WDR82: variants seen among roughly 807,000 people sequenced by gnomAD.
The protein encoded by WDR82 is WD repeat-containing protein 82.
A neutral mutation model predicts 36.1 loss-of-function variants in WDR82; 8 were observed. That is an observed-to-expected ratio of 0.22 (90% CI 0.13 to 0.40). The LOEUF (loss-of-function observed/expected upper bound fraction) is 0.40. Ranked by LOEUF, WDR82 falls within the 10% of genes least tolerant of loss-of-function variation. The pLI is 1.00. For missense variants in WDR82, 185 were observed against 400.5 expected, an observed-to-expected ratio of 0.46 and a Z score of 4.59; for synonymous variants, 129 against 137.8, an observed-to-expected ratio of 0.94 and a Z score of 0.45.
chr3:52,278,048 C>T (rs1700223484), intron 1 of WDR82, 153 bp downstream of exon 1: 3 of 609,312 alleles, frequency 4.9e-6, no homozygotes, highest in Admixed American at 8.2e-5. Flanking sequence ...TAAAAGGTCT[C>T]CTGGACGGCT....
At chr3:52,267,086 C>T in intron 2 of WDR82, 68 bp from the exon 3 acceptor site, 2 of 1,280,920 alleles carry the variant, frequency 1.6e-6, no homozygotes, top group East Asian at 4.9e-5. Context: ...ACATTTTCAT[C>T]TTAAAAAGAC....
chr3:52,276,815 T>C (rs1278779807), intron 1 of WDR82, among the ~76,000 whole-genome samples: 1 of 152,060 alleles, frequency 6.6e-6, no homozygotes, highest in African/African-American at 2.4e-5. Context: ...CCCTCTTCCT[T>C]AAGACCACCA....
intron 8 of WDR82, 123 bp from the exon 9 acceptor site, chr3:52,257,642 TAACC>T (rs1700021842): frequency 3.8e-6 from 4 of 1,052,396 alleles, no homozygotes; most frequent in Admixed American, 2.0e-5. Flanking sequence ...CCCTCTCTCC[TAACC>T]AACCAACCCC....
chr3:52,264,145 C>A (rs60382084), intron 3 of WDR82, among the ~76,000 whole-genome samples: 25,105 of 151,910 alleles, frequency 0.17, 2,861 homozygotes, highest in African/African-American at 0.32. Context: ...CCTGGGTGAC[C>A]CGGTGAGCCT....
In WDR82 at chr3:52,259,846, C is replaced by G; in HGVS notation, c.570G>C (p.Gln190His). 6.2e-7 allele frequency: 1 copy of G among 1,613,914 alleles called. No homozygotes were observed. Among genetic ancestry groups the G allele is most frequent in the Non-Finnish European group, 8.5e-7 (1 of 1,179,888 alleles). Residue 190 changes from glutamine to histidine, a missense_variant, in exon 6 of 9, where the codon CAG becomes CAC. Physicochemically the swap from Gln to His is conservative, Grantham distance 24. This residue lies in a region of WDR82 where 110 missense variants were observed against 212.6 expected (regional missense o/e 0.52). Coordinates refer to ENST00000296490, the MANE Select transcript of WDR82 (RefSeq NM_025222.4). ...CTGTCCACTCACAAGTTCGATCATA[C>G]TGCATCTTAAAGGTAGCAAATGGCC... ...DKGPFATFKM[Q>H]YDRTCEWTGL... is the part of the protein sequence containing the mutation.
At chr3:52,262,550 G>A (rs1464306024) in intron 3 of WDR82, among the ~76,000 whole-genome samples, 2 of 152,190 alleles carry the variant, frequency 1.3e-5, no homozygotes, top group African/African-American at 4.8e-5. Context: ...CTCTAATCCA[G>A]TAGGCCTGAC....
At position 52,261,397 on chromosome 3, in the gene WDR82, G is replaced by A. The variant is rs765739940; in HGVS notation, c.409C>T (p.Arg137Trp). 4 of 1,611,084 alleles carry A rather than the reference G, an allele frequency of 2.5e-6. No homozygotes were observed. Among genetic ancestry groups the A allele is most frequent in the Non-Finnish European group, 3.4e-6 (4 of 1,179,002 alleles). The change falls in exon 4 of 9, where the codon CGG becomes TGG. Residue 137 changes from arginine (R) to tryptophan (W), a missense_variant. Around this residue, in one of 3 missense-constraint regions of WDR82, gnomAD observed 26 missense variants for 107.4 expected, o/e 0.24. Transcript: ENST00000296490. Reference sequence around the variant, plus strand: ...ACCATTACCTGGCAGTTAGGAGACCGGAGATCCCAGAGTCGAATGGTCTTA... The same window carrying A: ...ACCATTACCTGGCAGTTAGGAGACCAGAGATCCCAGAGTCGAATGGTCTTA... ...LDKTIRLWDL[R>W]SPNCQGLMHL...
intron 3 of WDR82, among the ~76,000 whole-genome samples, chr3:52,264,909 G>C (rs1700092089): frequency 6.6e-6 from 1 of 152,048 alleles, no homozygotes. Flanking sequence ...TCTCACCTCA[G>C]CCTCCCAAAG....
At position 52,276,056 on chromosome 3, in the gene WDR82, T is replaced by A. The variant is rs1465225179; in HGVS notation, c.161+2145A>T. On this transcript the variant is annotated intron_variant, in intron 1 of 8. Transcript: ENST00000296490. ...CATATGGGAGTTCTTTGAAACACTG[T>A]AACTTTGTTAGTTTCTAATTATGTA... Among the ~76,000 whole-genome samples, 4 of 152,352 alleles carry A rather than the reference T, an allele frequency of 2.6e-5. No individual in the cohort carries two copies. In the East Asian group the frequency reaches 7.7e-4, roughly 29 times the overall value.
rs1375981132 is a variant in WDR82 at position 52,257,081 on chromosome 3, A to G, written c.*409T>C. The G allele has an allele frequency of 5.1e-6, 1 of 194,644 alleles. No homozygotes were observed. The highest frequency in any genetic ancestry group is 2.3e-5 in the African/African-American group (1 of 42,670). The allele number at this position is 194,644 out of a possible 1,614,324, so 12.1% of individuals were successfully genotyped here. ...GGGCAAGCGGCTGAGCTGCCCAAGC[A>G]TTTCAAAACCAGGACTTTGGCTTCC... On this transcript the variant is annotated 3_prime_UTR_variant, in exon 9 of 9. Transcript: ENST00000296490.
chr3:52,271,198 GAT>G (rs1700150469), intron 1 of WDR82, among the ~76,000 whole-genome samples: 5 of 152,292 alleles, frequency 3.3e-5, no homozygotes, highest in Admixed American at 2.0e-4. Flanking sequence ...CTCTACAACC[GAT>G]GTTTCATTTT....
chr3:52,269,552 A>G (rs545155384), intron 2 of WDR82, among the ~76,000 whole-genome samples: 19 of 152,092 alleles, frequency 1.2e-4, no homozygotes, highest in Admixed American at 2.6e-4. Flanking sequence ...AACATGGTGA[A>G]ACCCTGTCTC....
chr3:52,271,171 ATTATAATAGAGCTGCCCTC>A (rs1700150117), intron 1 of WDR82, among the ~76,000 whole-genome samples: 1 of 152,234 alleles, frequency 6.6e-6, no homozygotes. Context: ...GTCTCATAAG[ATTATAATAGAGCTGCCCTC>A]TACAACCGAT....
chr3:52,268,255 C>T (rs1248419910), intron 2 of WDR82: 1 of 466,834 alleles, frequency 2.1e-6, no homozygotes, highest in South Asian at 1.6e-5. Context: ...CTCAGCCCCA[C>T]TTGGCAGCTG....
At chr3:52,261,502 G>C in intron 3 of WDR82, 23 bp from the exon 4 acceptor site, 1 of 1,600,330 alleles carries the variant, frequency 6.2e-7, no homozygotes. Flanking sequence ...GAGATAAATA[G>C]GAGTTGATGC....
chr3:52,278,473 A>C lies in WDR82; in HGVS notation c.-112T>G. On this transcript the variant is annotated 5_prime_UTR_variant, in exon 1 of 9. Coordinates refer to ENST00000296490, the MANE Select transcript of WDR82 (RefSeq NM_025222.4). ...CGGGGCGGGCGCCGCGCCGGCGGCT[A>C]GCGGGAAGTCGGCCAACAGTTGGGC... 1 of 1,003,960 alleles carries C rather than the reference A, an allele frequency of 1.0e-6. No homozygotes were observed. The highest frequency in any genetic ancestry group is 1.7e-5 in the African/African-American group (1 of 57,976). 62.2% of individuals were successfully genotyped at this position (1,003,960 alleles called of 1,614,324 possible).
rs1446117816 is a variant in WDR82, at chr3:52,255,692, A to G, written c.*1798T>C. ...GTGATGCCTTGATTTACCCCCTAGC[A>G]GCTACATATTCTTGAGCAAGTCATA... On this transcript the variant is annotated 3_prime_UTR_variant, in exon 9 of 9. Transcript: ENST00000296490. 2 of 152,086 alleles carry G rather than the reference A, an allele frequency of 1.3e-5. No individual in the cohort carries two copies. Among genetic ancestry groups the G allele is most frequent in the African/African-American group, 2.4e-5 (1 of 41,422 alleles). The allele number at this position is 152,086 out of a possible 1,614,324, so 9.4% of individuals were successfully genotyped here. A position where few individuals can be genotyped will look rare whatever the true frequency, so the allele number is the denominator to read the frequency against.
Position 52,265,299 on chromosome 3 carries a change from C to CAAAAAAAAAAA in WDR82, c.326+1642_326+1652dup, listed in dbSNP as rs869189597. 1.1e-4 allele frequency among the ~76,000 whole-genome samples: 5 copies of CAAAAAAAAAAA among 43,810 alleles called. 1 individual carries two copies. Among genetic ancestry groups the CAAAAAAAAAAA allele is most frequent in the Non-Finnish European group, 1.2e-4 (3 of 26,002 alleles). The allele number at this position is 43,810 out of a possible 152,430, so 28.7% of individuals were successfully genotyped here. On this transcript the variant is annotated intron_variant, in intron 3 of 8. Transcript: ENST00000296490. Reference sequence around the variant, plus strand: ...TGGGCGACAGAGCGAGACTCTGTCTCAAAAAAAAAAAAAAAAAAAAAAAAA... The same window carrying CAAAAAAAAAAA: ...TGGGCGACAGAGCGAGACTCTGTCTCAAAAAAAAAAAAAAAAAAAAAAAAAAAAAAAAAAAA...
At chr3:52,277,093 A>AATAATG (rs1282197192) in intron 1 of WDR82, among the ~76,000 whole-genome samples, 1 of 148,524 alleles carries the variant, frequency 6.7e-6, no homozygotes, top group Non-Finnish European at 1.5e-5. Context: ...TAATAATAAT[A>AATAATG]ATAATAATAT....
Sources: allele counts gnomAD v4.1 joint callset (sites outside exome capture counted in the v4.1 genomes callset), GRCh38; gene constraint gnomAD v4.1.1; regional missense constraint gnomAD v4.1.1; transcripts MANE v1.5; gene names NCBI Gene and HGNC (gene_info 2026-07-23, HGNC 2026-07-21).